Variants in ATP2C2 observed in about 807,000 individuals in gnomAD.
ATP2C2 encodes the protein ATPase secretory pathway Ca2+ transporting 2.
ATP2C2 carries 171 observed loss-of-function variants against 110.8 expected under a neutral mutation model. The ratio of observed to expected loss-of-function variants is 1.54; its 90% CI spans 1.36 to 1.75. The LOEUF is 1.75. Among genes scored for constraint, ATP2C2 ranks in the 40% most tolerant of loss-of-function variants. ATP2C2 has a pLI of 0.00. For synonymous variants in ATP2C2, 804 were observed against 508.4 expected (o/e 1.58, Z -7.82); for missense variants, 1,963 against 1,235.0 (o/e 1.59, Z -8.84).
At chr16:84,460,843 C>T (rs757253632) in intron 24 of ATP2C2, 42 bp downstream of exon 24, 24 of 1,572,848 alleles carry the variant, frequency 1.5e-5, no homozygotes, top group Admixed American at 8.9e-5. Flanking sequence ...AGCCCTGGTG[C>T]GGTGCAGACG....
In ATP2C2 at chr16:84,382,868, C is replaced by T. The variant is rs142771471; in HGVS notation, c.99+14154C>T. 6.1e-3 allele frequency among the ~76,000 whole-genome samples: 850 copies of T among 138,414 alleles called. 16 individuals are homozygous for T. The highest frequency in any genetic ancestry group is 0.022 in the African/African-American group (814 of 37,106). 90.8% of individuals were successfully genotyped at this position (138,414 alleles called of 152,430 possible). On this transcript the variant is annotated intron_variant, in intron 1 of 26. Coordinates refer to ENST00000262429, the MANE Select transcript of ATP2C2 (RefSeq NM_014861.4). The stretch of plus-strand genomic sequence containing the variant: ...CTGAGATCTTTTCACTGCATTCCAG[C>T]GTGGGCGACAGAGCAAGACTCCATC...
rs182846996 is a variant in ATP2C2 at position 84,425,041 on chromosome 16, C to T, written c.920-694C>T. Among the ~76,000 whole-genome samples the T allele has an allele frequency of 3.9e-5, 6 of 152,180 alleles. No homozygotes were observed. In the East Asian group the frequency reaches 9.7e-4, roughly 25 times the overall value. On this transcript the variant is annotated intron_variant, in intron 10 of 26. Transcript: ENST00000262429. ...GTTTAGTAGCCAATAGTAGAATGCC[C>T]AAAACAAAACTAACAGATACTGTGG...
intron 1 of ATP2C2, among the ~76,000 whole-genome samples, chr16:84,387,621 CAA>C (rs1904392943): frequency 6.6e-6 from 1 of 152,216 alleles, no homozygotes; most frequent in African/African-American, 2.4e-5. Context: ...TATAGAGCAA[CAA>C]AAGAGAATGA....
At chr16:84,418,747 T>G (rs77451250) in intron 7 of ATP2C2, among the ~76,000 whole-genome samples, 2,936 of 152,296 alleles carry the variant, frequency 0.019, 37 homozygotes, top group Middle Eastern at 0.051. Context: ...GAGCAGCTGT[T>G]CAGACTCTTC....
chr16:84,425,006 T>C (rs1183098320), intron 10 of ATP2C2, among the ~76,000 whole-genome samples: 1 of 152,166 alleles, frequency 6.6e-6, no homozygotes, highest in Non-Finnish European at 1.5e-5. Context: ...AGATTTCAGC[T>C]GATGACTGAG....
Position 84,425,742 on chromosome 16 carries a change from C to T in ATP2C2, c.927C>T (p.Ile309=). The change falls in exon 11 of 27, where the codon ATC becomes ATT. Residue 309 remains isoleucine (I), a synonymous_variant. Coordinates refer to ENST00000262429, the MANE Select transcript of ATP2C2 (RefSeq NM_014861.4). ...TLFSFGIIGL[I]MLIGWSQGKQ... ...TTTTTGTCTCTTCCCCAGGTCTCAT[C>T]ATGCTCATTGGCTGGTCGCAAGGGA... 6.2e-7 allele frequency: 1 copy of T among 1,614,142 alleles called. No homozygotes were observed. The highest frequency in any genetic ancestry group is 8.5e-7 in the Non-Finnish European group (1 of 1,180,012).
intron 1 of ATP2C2, among the ~76,000 whole-genome samples, chr16:84,383,465 A>AT (rs1567686035): frequency 6.6e-6 from 1 of 152,208 alleles, no homozygotes. Context: ...TGCTCAGCCA[A>AT]TGCGGGTTGA....
intron 1 of ATP2C2, among the ~76,000 whole-genome samples, chr16:84,397,420 T>A (rs975762685): frequency 6.6e-6 from 1 of 151,772 alleles, no homozygotes; most frequent in Admixed American, 6.6e-5. Flanking sequence ...TCTACATATG[T>A]ATATTGTTGC....
At chr16:84,421,643 C>T (rs11866442) in intron 7 of ATP2C2, among the ~76,000 whole-genome samples, 8,483 of 152,176 alleles carry the variant, frequency 0.056, 766 homozygotes, top group African/African-American at 0.19. Flanking sequence ...TGTGTTAAGT[C>T]TGGGGTCAAG....
Position 84,398,495 on chromosome 16 carries a change from A to C in ATP2C2, c.100-4A>C. 6.3e-7 allele frequency: 1 copy of C among 1,597,696 alleles called. No homozygotes were observed. The highest frequency in any genetic ancestry group is 8.5e-7 in the Non-Finnish European group (1 of 1,173,530). ...GCTAAACAGCAACCCTGCTCTTTTC[A>C]CAGATTGATGAACAGAGTGAGCTGA... On this transcript the variant is annotated splice_polypyrimidine_tract_variant and splice_region_variant and intron_variant, in intron 1 of 26. Transcript: ENST00000262429.
At chr16:84,397,670 A>AC (rs1905078055) in intron 1 of ATP2C2, among the ~76,000 whole-genome samples, 1 of 145,794 alleles carries the variant, frequency 6.9e-6, no homozygotes, top group Non-Finnish European at 1.5e-5. Flanking sequence ...AAAAAAAAAA[A>AC]AAACTTGCTT....
intron 1 of ATP2C2, among the ~76,000 whole-genome samples, chr16:84,397,087 A>G (rs971425097): frequency 6.6e-6 from 1 of 151,842 alleles, no homozygotes; most frequent in Non-Finnish European, 1.5e-5. Context: ...AAAGGAAAAG[A>G]TGATTATCAC....
Position 84,398,944 on chromosome 16 carries a change from A to G in ATP2C2, c.210+335A>G, listed in dbSNP as rs903829765. ...ACAGAAAGTAGCACAGTCCAGTGTT[A>G]GAGGTAGCACAGCCCAGCGTGGAGT... On this transcript the variant is annotated intron_variant, in intron 2 of 26. Coordinates refer to ENST00000262429, the MANE Select transcript of ATP2C2 (RefSeq NM_014861.4). Among the ~76,000 whole-genome samples the G allele has an allele frequency of 2.0e-5, 3 of 152,248 alleles. No homozygotes were observed. In the East Asian group the frequency reaches 5.8e-4, roughly 29 times the overall value.
intron 6 of ATP2C2, 21 bp from the exon 7 acceptor site, chr16:84,415,461 CT>C (rs761905178): frequency 6.2e-7 from 1 of 1,605,482 alleles, no homozygotes; most frequent in Admixed American, 1.7e-5. Flanking sequence ...GATGCTTTTG[CT>C]TTTTACCATG....
chr16:84,454,579 T>A (rs182845952), intron 20 of ATP2C2, among the ~76,000 whole-genome samples: 46 of 152,334 alleles, frequency 3.0e-4, no homozygotes, highest in Non-Finnish European at 6.5e-4. Flanking sequence ...CATCTCAGTT[T>A]GGGCCTCACA....
intron 11 of ATP2C2, among the ~76,000 whole-genome samples, chr16:84,427,104 C>G (rs1418913313): frequency 6.6e-6 from 1 of 152,132 alleles, no homozygotes; most frequent in African/African-American, 2.4e-5. Context: ...TCATGTCAGG[C>G]CCATTGGTTC....
chr16:84,405,381 G>C, intron 3 of ATP2C2, 137 bp downstream of exon 3: 1 of 719,984 alleles, frequency 1.4e-6, no homozygotes, highest in Non-Finnish European at 2.3e-6. Context: ...GCCAGCCTGA[G>C]CATCAGTCAT....
In ATP2C2 at chr16:84,442,690, A is replaced by G. The variant is rs540520081; in HGVS notation, c.1401+91A>G. 4 of 1,272,900 alleles carry G rather than the reference A, an allele frequency of 3.1e-6. No individual in the cohort carries two copies. The East Asian group carries it at 9.4e-5, about 30-fold the overall frequency. The allele number at this position is 1,272,900 out of a possible 1,614,324, so 78.9% of individuals were successfully genotyped here. ...GCCAGCTCCTGTCTGAGCTAACAGG[A>G]GTGGGGACGTTAGGTAATCATGGAA... On this transcript the variant is annotated intron_variant, in intron 15 of 26. Transcript: ENST00000262429.
At position 84,422,381 on chromosome 16, in the gene ATP2C2, C is replaced by G. The variant is rs751778433; in HGVS notation, c.625-9C>G. 15 of 1,611,208 alleles carry G rather than the reference C, an allele frequency of 9.3e-6. No individual in the cohort carries two copies. The highest frequency in any genetic ancestry group is 2.2e-5 in the East Asian group (1 of 44,850). ...GAGATTCCACAGCCTTTTCCCCTTG[C>G]TCTCCTAGGTCACGGACCTCTTGGT... On this transcript the variant is annotated splice_polypyrimidine_tract_variant and intron_variant, in intron 7 of 26. Coordinates refer to ENST00000262429, the MANE Select transcript of ATP2C2 (RefSeq NM_014861.4).
Sources: gnomAD v4.1 joint callset for allele counts (sites outside exome capture counted in the v4.1 genomes callset) on GRCh38, gnomAD v4.1.1 for gene constraint, MANE v1.5 for transcripts, NCBI Gene and HGNC (gene_info 2026-07-23, HGNC 2026-07-21) for gene names.